Variants in PACC1 observed in about 807,000 individuals in gnomAD.
The protein encoded by PACC1 is proton activated chloride channel 1.
A neutral mutation model predicts 39.7 loss-of-function variants in PACC1; 34 were observed. That is an observed-to-expected ratio of 0.86 (90% CI 0.65 to 1.14). The LOEUF (loss-of-function observed/expected upper bound fraction) is 1.14, where lower values mean the gene tolerates loss of function less well. Among genes scored for constraint, PACC1 ranks in the 50% most tolerant of loss-of-function variants. PACC1 has a pLI of 0.00. For synonymous variants in PACC1, 127 were observed against 160.6 expected, an observed-to-expected ratio of 0.79 and a Z score of 1.58; for missense variants, 379 against 436.4, an observed-to-expected ratio of 0.87 and a Z score of 1.17.
intron 1 of PACC1, among the ~76,000 whole-genome samples, chr1:212,412,729 C>A (rs1662182021): frequency 6.6e-6 from 1 of 152,216 alleles, no homozygotes; most frequent in Non-Finnish European, 1.5e-5. Context: ...CCCTGCTAGG[C>A]TGGCTATGTG....
chr1:212,391,813 G>A (rs1349163028), intron 2 of PACC1, among the ~76,000 whole-genome samples: 6 of 152,172 alleles, frequency 3.9e-5, no homozygotes, highest in Non-Finnish European at 8.8e-5. Context: ...TTCAGTAGCC[G>A]ATTCAACCAA....
At chr1:212,397,922 C>T (rs1661580977) in intron 2 of PACC1, among the ~76,000 whole-genome samples, 2 of 152,198 alleles carry the variant, frequency 1.3e-5, no homozygotes, top group Non-Finnish European at 2.9e-5. Flanking sequence ...GAGTTTTGAG[C>T]TCCAGCTGCA....
At chr1:212,410,542 A>G (rs1571685768) in intron 1 of PACC1, 21 bp from the exon 2 acceptor site, 5 of 1,606,680 alleles carry the variant, frequency 3.1e-6, no homozygotes, top group African/African-American at 1.3e-5. Flanking sequence ...AAGCAAAGAG[A>G]GCAAAGACAA....
At chr1:212,403,392 G>A (rs546635644) in intron 2 of PACC1, among the ~76,000 whole-genome samples, 2 of 152,192 alleles carry the variant, frequency 1.3e-5, no homozygotes, top group South Asian at 4.1e-4. Flanking sequence ...TGTTTGTGAG[G>A]TTCAGTCTTC....
At chr1:212,378,974 C>T (rs792445) in intron 5 of PACC1, among the ~76,000 whole-genome samples, 55,396 of 147,756 alleles carry the variant, frequency 0.37, 10,489 homozygotes, top group African/African-American at 0.43. Context: ...TTTGGAGTCT[C>T]GCTCTGTTGC....
chr1:212,380,126 C>T (rs780948708), intron 4 of PACC1, 89 bp from the exon 5 acceptor site: 3 of 1,417,614 alleles, frequency 2.1e-6, no homozygotes, highest in Admixed American at 2.0e-5. Context: ...CTGGAAAGCC[C>T]ATAGCTCCTT....
intron 7 of PACC1, among the ~76,000 whole-genome samples, chr1:212,369,460 T>A (rs1660364709): frequency 6.6e-6 from 1 of 152,152 alleles, no homozygotes; most frequent in Admixed American, 6.5e-5. Flanking sequence ...CAGCGTATAG[T>A]TCACCTGTAA....
chr1:212,404,725 T>G (rs1420286000), intron 2 of PACC1, among the ~76,000 whole-genome samples: 2 of 151,016 alleles, frequency 1.3e-5, no homozygotes, highest in Non-Finnish European at 3.0e-5. Flanking sequence ...TTTTTCCAAG[T>G]AGCTGGGATT....
intron 2 of PACC1, among the ~76,000 whole-genome samples, chr1:212,388,927 C>CATA (rs1661203698): frequency 2.6e-5 from 4 of 152,066 alleles, no homozygotes; most frequent in Admixed American, 6.6e-5. Context: ...GAACGTAAGC[C>CATA]CCAAAAGGTA....
At chr1:212,380,315 A>G (rs1660831532) in intron 4 of PACC1, among the ~76,000 whole-genome samples, 1 of 152,192 alleles carries the variant, frequency 6.6e-6, no homozygotes, top group East Asian at 1.9e-4. Flanking sequence ...AAGGATGATC[A>G]CTTTCATCTG....
chr1:212,408,905 A>G (rs1163846760), intron 2 of PACC1, among the ~76,000 whole-genome samples: 1 of 152,234 alleles, frequency 6.6e-6, no homozygotes, highest in African/African-American at 2.4e-5. Context: ...CCACAGACCA[A>G]TACGGGTCCA....
At position 212,387,232 on chromosome 1, in the gene PACC1, C is replaced by T. The variant is rs190179034; in HGVS notation, c.134-132G>A. The stretch of plus-strand genomic sequence containing the variant: ...ACCTGCACGCCCAACCTTTCCACCT[C>T]ACCCCACAAATCATAACAAAGGGCA... On this transcript the variant is annotated intron_variant, in intron 2 of 7. Coordinates refer to ENST00000261455, the MANE Select transcript of PACC1 (RefSeq NM_018252.3). The T allele has an allele frequency of 5.3e-6, 4 of 759,628 alleles. No individual in the cohort carries two copies. In the Admixed American group the frequency reaches 9.4e-5, roughly 18 times the overall value. The allele number at this position is 759,628 out of a possible 1,614,324, so 47.1% of individuals were successfully genotyped here. A position where few individuals can be genotyped will look rare whatever the true frequency, so the allele number is the denominator to read the frequency against.
intron 7 of PACC1, among the ~76,000 whole-genome samples, chr1:212,374,547 G>C (rs1660578644): frequency 6.6e-6 from 1 of 152,176 alleles, no homozygotes; most frequent in Non-Finnish European, 1.5e-5. Context: ...ATAGCTAGAA[G>C]AATGTTCCCA....
At chr1:212,382,041 CTTG>C (rs576789620) in intron 4 of PACC1, among the ~76,000 whole-genome samples, 181 of 106,624 alleles carry the variant, frequency 1.7e-3, no homozygotes, top group Non-Finnish European at 2.5e-3. Flanking sequence ...CTGGAGTGTT[CTTG>C]TTTTTTTTTT....
chr1:212,381,733 C>A (rs1372266732), intron 4 of PACC1, among the ~76,000 whole-genome samples: 1 of 123,038 alleles, frequency 8.1e-6, no homozygotes, highest in Non-Finnish European at 1.8e-5. Context: ...ACACACAGCC[C>A]ACATGGACCA....
At chr1:212,398,131 C>T (rs1571669269) in intron 2 of PACC1, among the ~76,000 whole-genome samples, 1 of 152,104 alleles carries the variant, frequency 6.6e-6, no homozygotes, top group Non-Finnish European at 1.5e-5. Context: ...CAGAATGTAC[C>T]CTCTACCCTT....
At chr1:212,404,888 C>T (rs189936862) in intron 2 of PACC1, among the ~76,000 whole-genome samples, 4 of 152,284 alleles carry the variant, frequency 2.6e-5, no homozygotes, top group Admixed American at 2.6e-4. Context: ...CCTGCTTCAG[C>T]CTCCTGAGTA....
chr1:212,371,263 AGAAAAGTT>A (rs990928586), intron 7 of PACC1, among the ~76,000 whole-genome samples: 1 of 150,868 alleles, frequency 6.6e-6, no homozygotes, highest in African/African-American at 2.5e-5. Context: ...AAAAAAAGAA[AGAAAAGTT>A]AGTTGTTTGA....
chr1:212,414,790 C>G lies in PACC1; in HGVS notation c.-33G>C, dbSNP rs774940152. The G allele has an allele frequency of 6.2e-7, 1 of 1,609,344 alleles. No individual in the cohort carries two copies. Among genetic ancestry groups the G allele is most frequent in the Non-Finnish European group, 8.5e-7 (1 of 1,176,314 alleles). On this transcript the variant is annotated 5_prime_UTR_variant, in exon 1 of 8. Transcript: ENST00000261455. ...ACCAGAGCTTCGGCACACCTGAGAC[C>G]GCCCCAGCCCGCGGCGCACGGACGC...
Sources: gnomAD v4.1 joint callset for allele counts (sites outside exome capture counted in the v4.1 genomes callset) on GRCh38, gnomAD v4.1.1 for gene constraint, MANE v1.5 for transcripts, NCBI Gene and HGNC (gene_info 2026-07-23, HGNC 2026-07-21) for gene names.